Variants in DPP10 observed in about 807,000 individuals in gnomAD.
DPP10 encodes dipeptidyl peptidase like 10.
A neutral mutation model predicts 120.9 loss-of-function variants in DPP10; 33 were observed. That is an observed-to-expected ratio of 0.27 (90% CI 0.21 to 0.37). The LOEUF is 0.37. Among genes scored for constraint, DPP10 ranks in the 10% least tolerant of loss-of-function variants. The pLI, the probability that DPP10 is intolerant of heterozygous loss-of-function variation, is 1.00. For missense variants in DPP10, 816 were observed against 942.8 expected (o/e 0.87, Z 1.76); for synonymous variants, 337 against 326.1 (o/e 1.03, Z -0.36).
chr2:114,929,730 G>A (rs943268616), intron 1 of DPP10, among the ~76,000 whole-genome samples: 5 of 152,156 alleles, frequency 3.3e-5, no homozygotes, highest in Admixed American at 1.3e-4. Flanking sequence ...ACAGGGTCCT[G>A]AGGCGACATA....
chr2:115,019,858 C>A (rs1702941769), intron 1 of DPP10, among the ~76,000 whole-genome samples: 1 of 152,220 alleles, frequency 6.6e-6, no homozygotes, highest in Admixed American at 6.5e-5. Context: ...TGGGTCCTAT[C>A]TTTAGCCTCC....
chr2:115,626,945 C>T (rs2085413360), intron 5 of DPP10, among the ~76,000 whole-genome samples: 1 of 152,206 alleles, frequency 6.6e-6, no homozygotes, highest in Non-Finnish European at 1.5e-5. Context: ...TGGCTGATTT[C>T]AGGTCTGCAA....
At chr2:114,663,660 T>TAGAGAGAGAG (rs1485631969) in intron 1 of DPP10, among the ~76,000 whole-genome samples, 16 of 91,494 alleles carry the variant, frequency 1.7e-4, no homozygotes, top group African/African-American at 3.9e-4. Context: ...TATATATATA[T>TAGAGAGAGAG]ATATATATAG....
chr2:114,913,239 G>C (rs556806085), intron 1 of DPP10, among the ~76,000 whole-genome samples: 4 of 152,146 alleles, frequency 2.6e-5, no homozygotes, highest in African/African-American at 9.7e-5. Context: ...CCCCATCGGC[G>C]TGCACTCGCC....
intron 5 of DPP10, among the ~76,000 whole-genome samples, chr2:115,590,183 T>TATC (rs2082554011): frequency 7.6e-6 from 1 of 131,004 alleles, no homozygotes; most frequent in Non-Finnish European, 1.6e-5. Flanking sequence ...TTATTATTAT[T>TATC]ATACTTTAAG....
chr2:115,137,656 T>C (rs2050717685), intron 1 of DPP10, among the ~76,000 whole-genome samples: 1 of 152,182 alleles, frequency 6.6e-6, no homozygotes, highest in Admixed American at 6.6e-5. Flanking sequence ...AGCTGTCCAT[T>C]CATAACTGGC....
intron 7 of DPP10, among the ~76,000 whole-genome samples, chr2:115,707,811 A>G (rs758442521): frequency 3.0e-4 from 46 of 151,902 alleles, no homozygotes; most frequent in Non-Finnish European, 6.3e-4. Context: ...TTAGCATGTT[A>G]TTATTACAAT....
intron 5 of DPP10, among the ~76,000 whole-genome samples, chr2:115,648,472 A>G (rs1448238552): frequency 1.3e-5 from 2 of 152,082 alleles, no homozygotes; most frequent in Non-Finnish European, 2.9e-5. Flanking sequence ...AATTGGCTCA[A>G]TTTGGCCCTT....
intron 1 of DPP10, among the ~76,000 whole-genome samples, chr2:114,447,314 A>G (rs1573373384): frequency 6.6e-6 from 1 of 151,912 alleles, no homozygotes; most frequent in Admixed American, 6.6e-5. Context: ...TTAATTCTAT[A>G]CCCCTAACCT....
chr2:114,497,722 G>T (rs1682802928), intron 1 of DPP10, among the ~76,000 whole-genome samples: 1 of 152,174 alleles, frequency 6.6e-6, no homozygotes, highest in African/African-American at 2.4e-5. Context: ...CAGTCAGTAA[G>T]TAGCGGATAG....
intron 17 of DPP10, among the ~76,000 whole-genome samples, chr2:115,784,391 T>A (rs558411951): frequency 9.9e-5 from 15 of 152,256 alleles, no homozygotes; most frequent in African/African-American, 3.4e-4. Context: ...TTAAACCCAC[T>A]AGTTATCAAA....
chr2:115,709,930 C>G (rs1250736916), intron 7 of DPP10, among the ~76,000 whole-genome samples: 2 of 152,036 alleles, frequency 1.3e-5, no homozygotes, highest in African/African-American at 4.8e-5. Flanking sequence ...ATTCAAGGTG[C>G]TCAGTGAACT....
At chr2:115,181,641 G>C (rs936974433) in intron 1 of DPP10, among the ~76,000 whole-genome samples, 9 of 152,168 alleles carry the variant, frequency 5.9e-5, no homozygotes, top group African/African-American at 2.2e-4. Context: ...ATCAACCTTA[G>C]GAGTTATGGA....
chr2:115,161,117 AC>A (rs1183695193), intron 1 of DPP10: 1 of 152,316 alleles, frequency 6.6e-6, no homozygotes, highest in African/African-American at 2.4e-5. Flanking sequence ...TAGGAGTTCC[AC>A]CGACGTGACC....
rs776205254 is a variant in DPP10 at position 115,203,836 on chromosome 2, CTATT to C, written c.61-105402_61-105399del. On this transcript the variant is annotated intron_variant, in intron 1 of 25. Coordinates refer to ENST00000410059, the MANE Select transcript of DPP10 (RefSeq NM_020868.6). The stretch of plus-strand genomic sequence containing the variant: ...CTTGTTAAATTTCCTTTTCTCCTAT[CTATT>C]CAATCAAAATTCTTTCCCTCCATGG... 1.1e-4 allele frequency among the ~76,000 whole-genome samples: 16 copies of C among 152,234 alleles called. No individual in the cohort carries two copies. The East Asian group carries it at 2.9e-3, about 28-fold the overall frequency.
chr2:115,664,679 C>T (rs2089297904), intron 5 of DPP10, among the ~76,000 whole-genome samples: 1 of 152,132 alleles, frequency 6.6e-6, no homozygotes, highest in South Asian at 2.1e-4. Flanking sequence ...ACCTCCTGTG[C>T]TTATTACATT....
chr2:115,545,726 A>G (rs2079460965), intron 5 of DPP10, among the ~76,000 whole-genome samples: 1 of 152,124 alleles, frequency 6.6e-6, no homozygotes, highest in Admixed American at 6.6e-5. Context: ...AGGGCTCATA[A>G]ATCCTCAAAT....
chr2:115,693,342 C>T (rs1298432602), intron 7 of DPP10, among the ~76,000 whole-genome samples: 1 of 152,072 alleles, frequency 6.6e-6, no homozygotes, highest in Non-Finnish European at 1.5e-5. Context: ...CAAGAAGTGG[C>T]AGGTGCTCTC....
rs146618582 is a variant in DPP10, at chr2:115,247,816, T to G, written c.61-61423T>G. On this transcript the variant is annotated intron_variant, in intron 1 of 25. Coordinates refer to ENST00000410059, the MANE Select transcript of DPP10 (RefSeq NM_020868.6). ...GAGAATAAAACACCCCGTGAAAGAT[T>G]AGCATGCAAAGACAACACAACAAAC... is the stretch of plus-strand genomic sequence containing the variant. Among the ~76,000 whole-genome samples the G allele has an allele frequency of 1.2e-4, 18 of 152,286 alleles. No homozygotes were observed. The East Asian group carries it at 3.3e-3, about 28-fold the overall frequency.
Sources: gnomAD v4.1 joint callset for allele counts (sites outside exome capture counted in the v4.1 genomes callset) on GRCh38, gnomAD v4.1.1 for gene constraint, MANE v1.5 for transcripts, NCBI Gene and HGNC (gene_info 2026-07-23, HGNC 2026-07-21) for gene names.